Variants in CPT1A observed in about 807,000 individuals in gnomAD.
CPT1A encodes carnitine palmitoyltransferase 1A.
A neutral mutation model predicts 100.8 loss-of-function variants in CPT1A; 64 were observed. The ratio of observed to expected loss-of-function variants is 0.63; its 90% confidence interval spans 0.52 to 0.78. The LOEUF (loss-of-function observed/expected upper bound fraction) is 0.78, where lower values mean the gene tolerates loss of function less well. Ranked by LOEUF, CPT1A falls within the 30% of genes least tolerant of loss-of-function variation. The pLI, the probability that CPT1A is intolerant of heterozygous loss-of-function variation, is 0.00. For missense variants in CPT1A, 802 were observed against 1,034.1 expected, an observed-to-expected ratio of 0.78 and a Z score of 3.08; for synonymous variants, 363 against 396.0, an observed-to-expected ratio of 0.92 and a Z score of 0.99.
chr11:68,775,296 G>A lies in CPT1A; in HGVS notation c.1575+20C>T. On this transcript the variant is annotated intron_variant, in intron 13 of 18. Transcript: ENST00000265641. ...TTCCCATCCCAGGTAAGTAACAATGGTTGGATAATCCGGACTTACTTCCCC... is the reference window on the plus strand; with the variant it reads ...TTCCCATCCCAGGTAAGTAACAATGATTGGATAATCCGGACTTACTTCCCC... 1 of 1,574,840 alleles carries A rather than the reference G, an allele frequency of 6.3e-7. No homozygotes were observed. The highest frequency in any genetic ancestry group is 8.7e-7 in the Non-Finnish European group (1 of 1,144,226).
rs115664773 is a variant in CPT1A, at chr11:68,809,097, G to A, written c.282-1459C>T. Among the ~76,000 whole-genome samples the A allele has an allele frequency of 3.0e-3, 453 of 151,836 alleles. 1 individual carries two copies. The highest frequency in any genetic ancestry group is 0.014 in the Middle Eastern group (4 of 292). On this transcript the variant is annotated intron_variant, in intron 3 of 18. Transcript: ENST00000265641. Reference sequence around the variant, plus strand: ...TGGACAAAAACAAATTATCTTCAAGGTTATATACTCTTTGCTCCAAAATGT... The same window carrying A: ...TGGACAAAAACAAATTATCTTCAAGATTATATACTCTTTGCTCCAAAATGT...
At chr11:68,823,912 T>A (rs1369563202) in intron 1 of CPT1A, among the ~76,000 whole-genome samples, 1 of 151,988 alleles carries the variant, frequency 6.6e-6, no homozygotes, top group African/African-American at 2.4e-5. Context: ...TGTTCTCACC[T>A]ATAAGTGGCA....
At chr11:68,795,725 C>T (rs1204829817) in intron 7 of CPT1A, among the ~76,000 whole-genome samples, 1 of 152,046 alleles carries the variant, frequency 6.6e-6, no homozygotes, top group African/African-American at 2.4e-5. Flanking sequence ...GCCTGGCCAA[C>T]ATGGTGAAAC....
chr11:68,773,070 G>C (rs1046465712), intron 14 of CPT1A, among the ~76,000 whole-genome samples, 195 bp downstream of exon 14: 39 of 152,298 alleles, frequency 2.6e-4, no homozygotes, highest in African/African-American at 9.1e-4. Flanking sequence ...CCTGCTGGAG[G>C]GGGATTTGCG....
At chr11:68,775,490 C>T (rs1377276801) in intron 12 of CPT1A, 58 bp from the exon 13 acceptor site, 1 of 1,298,420 alleles carries the variant, frequency 7.7e-7, no homozygotes, top group Non-Finnish European at 1.1e-6. Context: ...ACACATTAAC[C>T]TCCAACATGA....
chr11:68,830,200 T>C (rs950743429), intron 1 of CPT1A, among the ~76,000 whole-genome samples: 68 of 152,088 alleles, frequency 4.5e-4, no homozygotes, highest in African/African-American at 1.6e-3. Flanking sequence ...ATTTCTTGTG[T>C]CTGGGAGGTC....
At chr11:68,782,269 C>T (rs141572372) in intron 10 of CPT1A, among the ~76,000 whole-genome samples, 4 of 152,264 alleles carry the variant, frequency 2.6e-5, no homozygotes, top group East Asian at 3.9e-4. Context: ...CCCTGTTCCA[C>T]GCTCCCTGAC....
At chr11:68,822,230 A>T (rs1437129224) in intron 1 of CPT1A, among the ~76,000 whole-genome samples, 3 of 142,012 alleles carry the variant, frequency 2.1e-5, no homozygotes, top group Non-Finnish European at 4.5e-5. Flanking sequence ...AAACAAAAAT[A>T]AAAAAAAAAA....
intron 9 of CPT1A, among the ~76,000 whole-genome samples, chr11:68,787,293 G>C (rs190012339): frequency 6.6e-6 from 1 of 151,918 alleles, no homozygotes; most frequent in Admixed American, 6.6e-5. Flanking sequence ...AAAATTAGCC[G>C]GGCATGGTGG....
chr11:68,811,109 C>T (rs375121629), intron 3 of CPT1A, among the ~76,000 whole-genome samples: 3 of 152,162 alleles, frequency 2.0e-5, no homozygotes, highest in Non-Finnish European at 2.9e-5. Flanking sequence ...ACCTGGAAGG[C>T]GTGACTATAA....
intron 8 of CPT1A, among the ~76,000 whole-genome samples, chr11:68,793,964 A>G (rs1007466035): frequency 3.9e-5 from 6 of 152,194 alleles, no homozygotes; most frequent in Admixed American, 2.0e-4. Flanking sequence ...ATTATTGATA[A>G]CTGACACTTA....
intron 8 of CPT1A, among the ~76,000 whole-genome samples, chr11:68,794,172 C>T (rs547791881): frequency 1.4e-4 from 22 of 151,912 alleles, no homozygotes; most frequent in Non-Finnish European, 2.4e-4. Flanking sequence ...ACTAGAATTC[C>T]GAAAAAAAGA....
intron 9 of CPT1A, among the ~76,000 whole-genome samples, chr11:68,785,476 G>A (rs1446407987): frequency 2.7e-5 from 4 of 150,250 alleles, no homozygotes; most frequent in Non-Finnish European, 4.4e-5. Context: ...CAGGAGAATC[G>A]CTTGAAACCA....
At chr11:68,828,871 G>C (rs999322617) in intron 1 of CPT1A, among the ~76,000 whole-genome samples, 6 of 152,174 alleles carry the variant, frequency 3.9e-5, no homozygotes, top group Admixed American at 3.9e-4. Flanking sequence ...CACCAGGCAC[G>C]CAAGCTGGCC....
At chr11:68,762,231 C>G (rs998886889) in intron 15 of CPT1A, among the ~76,000 whole-genome samples, 1 of 152,198 alleles carries the variant, frequency 6.6e-6, no homozygotes, top group African/African-American at 2.4e-5. Context: ...TGGGGCCCAG[C>G]GTGGCAATGG....
chr11:68,828,198 C>T (rs183041808), intron 1 of CPT1A, among the ~76,000 whole-genome samples: 30 of 152,310 alleles, frequency 2.0e-4, no homozygotes, highest in African/African-American at 7.2e-4. Context: ...ACCAGCTGCT[C>T]GACACCCCAT....
In CPT1A at chr11:68,796,914, T is replaced by C. The variant is rs1594347460; in HGVS notation, c.713A>G (p.Glu238Gly). 1.2e-6 allele frequency: 2 copies of C among 1,613,872 alleles called. No homozygotes were observed. Among genetic ancestry groups the C allele is most frequent in the Non-Finnish European group, 8.5e-7 (1 of 1,179,954 alleles). ...ATNYVSDWWE[E>G]YIYLRGRGPL... ...CCCTCGTCCTCGGAGGTAGATGTAC[T>C]CCTCCCACCAGTCGCTCACCTAGTG... Residue 238 changes from glutamate to glycine, a missense_variant, in exon 7 of 19, where the codon GAG becomes GGG. By Grantham distance (98) the Glu-to-Gly change is moderately conservative. This residue lies in a region of CPT1A where 627 missense variants were observed against 799.3 expected (regional missense o/e 0.78). Transcript: ENST00000265641.
intron 3 of CPT1A, among the ~76,000 whole-genome samples, chr11:68,809,205 TCTAAC>T (rs1334861532): frequency 5.9e-4 from 89 of 152,134 alleles, no homozygotes; most frequent in African/African-American, 2.1e-3. Context: ...TTTCTGGTCA[TCTAAC>T]CTATAAACAA....
intron 14 of CPT1A, among the ~76,000 whole-genome samples, chr11:68,772,302 G>T (rs1855012251): frequency 1.3e-5 from 2 of 152,112 alleles, no homozygotes; most frequent in Non-Finnish European, 2.9e-5. Flanking sequence ...GCAGTGAGCC[G>T]AGATCATGCC....
Sources: allele counts gnomAD v4.1 joint callset (sites outside exome capture counted in the v4.1 genomes callset), GRCh38; gene constraint gnomAD v4.1.1; regional missense constraint gnomAD v4.1.1; transcripts MANE v1.5; gene names NCBI Gene and HGNC (gene_info 2026-07-23, HGNC 2026-07-21).